RAB3GAP1: variants seen among roughly 807,000 people sequenced by gnomAD.
RAB3GAP1 encodes RAB3 GTPase activating protein catalytic subunit 1.
In RAB3GAP1, 86 loss-of-function variants were observed where a neutral mutation model predicts 130.7. The ratio of observed to expected loss-of-function variants is 0.66; its 90% CI spans 0.55 to 0.79. The LOEUF (loss-of-function observed/expected upper bound fraction) is 0.79, where lower values mean the gene tolerates loss of function less well. Ranked by LOEUF, RAB3GAP1 falls within the 30% of genes least tolerant of loss-of-function variation. The pLI, the probability that RAB3GAP1 is intolerant of heterozygous loss-of-function variation, is 0.00. For synonymous variants in RAB3GAP1, 367 were observed against 401.7 expected (o/e 0.91, Z 1.03); for missense variants, 1,029 against 1,169.4 (o/e 0.88, Z 1.75).
At chr2:135,121,874 C>T (rs189423594) in intron 8 of RAB3GAP1, among the ~76,000 whole-genome samples, 1 of 152,234 alleles carries the variant, frequency 6.6e-6, no homozygotes, top group Non-Finnish European at 1.5e-5. Flanking sequence ...AGGCAGATCA[C>T]CTGAGGTCGG....
intron 3 of RAB3GAP1, among the ~76,000 whole-genome samples, chr2:135,072,141 C>A (rs1040493426): frequency 1.3e-5 from 2 of 152,156 alleles, no homozygotes; most frequent in Non-Finnish European, 2.9e-5. Context: ...AAACTCCTGA[C>A]CTCAAGTGAT....
chr2:135,164,998 T>C (rs1380202496), intron 23 of RAB3GAP1: 2 of 390,418 alleles, frequency 5.1e-6, no homozygotes, highest in Non-Finnish European at 5.0e-6. Context: ...TGCTGTGCTG[T>C]GGGAAAAAAT....
intron 2 of RAB3GAP1, among the ~76,000 whole-genome samples, chr2:135,056,129 C>A (rs1689003442): frequency 6.6e-6 from 1 of 152,118 alleles, no homozygotes; most frequent in African/African-American, 2.4e-5. Flanking sequence ...AGCCACCACG[C>A]CCGGCCGACA....
chr2:135,123,718 T>C (rs1691267356), intron 8 of RAB3GAP1, among the ~76,000 whole-genome samples: 1 of 152,176 alleles, frequency 6.6e-6, no homozygotes, highest in Admixed American at 6.5e-5. Flanking sequence ...AACCAAAATA[T>C]AATGTTATTA....
At chr2:135,154,139 A>G (rs1166875234) in intron 19 of RAB3GAP1, among the ~76,000 whole-genome samples, 2 of 152,234 alleles carry the variant, frequency 1.3e-5, no homozygotes, top group Admixed American at 6.5e-5. Context: ...AAAAATGGGT[A>G]TGTCCTTTGA....
intron 5 of RAB3GAP1, among the ~76,000 whole-genome samples, chr2:135,095,865 A>G (rs561015357): frequency 1.3e-5 from 2 of 152,338 alleles, no homozygotes; most frequent in South Asian, 4.1e-4. Context: ...ACAAATCACA[A>G]GAAGAAGGGT....
intron 7 of RAB3GAP1, among the ~76,000 whole-genome samples, chr2:135,119,067 C>G (rs1284361335): frequency 6.8e-6 from 1 of 146,466 alleles, no homozygotes; most frequent in Non-Finnish European, 1.5e-5. Flanking sequence ...ATCCTTCCTT[C>G]CTTCCTCCCT....
At chr2:135,167,463 C>T (rs1692690124) in intron 23 of RAB3GAP1, among the ~76,000 whole-genome samples, 1 of 151,314 alleles carries the variant, frequency 6.6e-6, no homozygotes, top group Non-Finnish European at 1.5e-5. Flanking sequence ...CATCATATGT[C>T]ACCTGTTGAG....
At chr2:135,122,605 A>G (rs970020094) in intron 8 of RAB3GAP1, among the ~76,000 whole-genome samples, 1 of 152,206 alleles carries the variant, frequency 6.6e-6, no homozygotes, top group Non-Finnish European at 1.5e-5. Flanking sequence ...ATTTTCCTTT[A>G]TAAGGGGGAA....
intron 7 of RAB3GAP1, among the ~76,000 whole-genome samples, chr2:135,118,473 A>G (rs1367732531): frequency 1.3e-5 from 2 of 152,010 alleles, no homozygotes; most frequent in African/African-American, 2.4e-5. Flanking sequence ...TTTCTTTTTC[A>G]TCTTAGACAT....
At chr2:135,076,416 CATTTTT>C (rs201888998) in intron 3 of RAB3GAP1, among the ~76,000 whole-genome samples, 2,807 of 152,238 alleles carry the variant, frequency 0.018, 30 homozygotes, top group East Asian at 0.056. Flanking sequence ...AAAACTATCT[CATTTTT>C]ATTTATATTT....
At position 135,169,935 on chromosome 2, in the gene RAB3GAP1, T is replaced by A. The variant is rs999881397; in HGVS notation, c.*1154T>A. 2 of 309,252 alleles carry A rather than the reference T, an allele frequency of 6.5e-6. No homozygotes were observed. The highest frequency in any genetic ancestry group is 2.2e-5 in the African/African-American group (1 of 44,994). 19.2% of individuals were successfully genotyped at this position (309,252 alleles called of 1,614,324 possible). A position where few individuals can be genotyped will look rare whatever the true frequency, so the allele number is the denominator to read the frequency against. The stretch of plus-strand genomic sequence containing the variant: ...AGCATAAACCTTGCCTGTGTAATTT[T>A]AAAAAATTAATAGAGCTGTGCAAAC... On this transcript the variant is annotated 3_prime_UTR_variant, in exon 24 of 24. Coordinates refer to ENST00000264158, the MANE Select transcript of RAB3GAP1 (RefSeq NM_012233.3).
At chr2:135,109,085 G>A (rs1363461432) in intron 5 of RAB3GAP1, among the ~76,000 whole-genome samples, 1 of 152,012 alleles carries the variant, frequency 6.6e-6, no homozygotes, top group Admixed American at 6.6e-5. Flanking sequence ...TAGCTTTATA[G>A]TAGTGCTTGA....
intron 13 of RAB3GAP1, among the ~76,000 whole-genome samples, chr2:135,131,996 T>C (rs1410901792): frequency 6.6e-6 from 1 of 152,238 alleles, no homozygotes; most frequent in Non-Finnish European, 1.5e-5. Context: ...GCCAACTTTT[T>C]AGCTTGTACA....
Position 135,133,990 on chromosome 2 carries a change from C to G in RAB3GAP1, c.1456C>G (p.Leu486Val). The G allele has an allele frequency of 6.2e-7, 1 of 1,613,918 alleles. No individual in the cohort carries two copies. The highest frequency in any genetic ancestry group is 8.5e-7 in the Non-Finnish European group (1 of 1,179,838). Reference protein sequence around the residue: ...GVAHLWQEFVLEMRFRWENNF... With the variant: ...GVAHLWQEFVVEMRFRWENNF... The stretch of plus-strand genomic sequence containing the variant: ...GGCACACCTCTGGCAGGAATTTGTT[C>G]TTGAAATGCGTTTCCGATGGGAAAA... Residue 486 changes from leucine to valine, a missense_variant, in exon 15 of 24, where the codon CTT becomes GTT. By Grantham distance (32) the Leu-to-Val change is conservative. Coordinates refer to ENST00000264158, the MANE Select transcript of RAB3GAP1 (RefSeq NM_012233.3).
At chr2:135,166,406 T>C (rs933652316) in intron 23 of RAB3GAP1, among the ~76,000 whole-genome samples, 1 of 152,152 alleles carries the variant, frequency 6.6e-6, no homozygotes, top group Admixed American at 6.5e-5. Flanking sequence ...TGGAGTACAG[T>C]GGCAAGATCA....
At chr2:135,070,091 A>G (rs766187032) in intron 3 of RAB3GAP1, among the ~76,000 whole-genome samples, 3 of 152,230 alleles carry the variant, frequency 2.0e-5, no homozygotes, top group Non-Finnish European at 4.4e-5. Flanking sequence ...TCAACAATGT[A>G]TAGCCAATCA....
In RAB3GAP1 at chr2:135,067,384, TC is replaced by T. The variant is rs760866689; in HGVS notation, c.150+9300del. On this transcript the variant is annotated intron_variant, in intron 3 of 23. Transcript: ENST00000264158. ...GATAAGGTTTGTAGTTTGTTTTTTT[TC>T]CTCTTCATTTTTATTTTTCCTTTAA... 5.3e-5 allele frequency among the ~76,000 whole-genome samples: 8 copies of T among 152,354 alleles called. No homozygotes were observed. The East Asian group carries it at 1.2e-3, about 22-fold the overall frequency.
chr2:135,115,197 A>G lies in RAB3GAP1; in HGVS notation c.483-19A>G, dbSNP rs754444458. The stretch of plus-strand genomic sequence containing the variant: ...TTTAATGAGCTTGTATTCCATTCCT[A>G]TTTAATCATGTCTTGCAGTCAGGTG... On this transcript the variant is annotated intron_variant, in intron 6 of 23. Coordinates refer to ENST00000264158, the MANE Select transcript of RAB3GAP1 (RefSeq NM_012233.3). 8 of 1,596,570 alleles carry G rather than the reference A, an allele frequency of 5.0e-6. No individual in the cohort carries two copies. The highest frequency in any genetic ancestry group is 4.5e-5 in the East Asian group (2 of 44,740).
Sources: gnomAD v4.1 joint callset for allele counts (sites outside exome capture counted in the v4.1 genomes callset) on GRCh38, gnomAD v4.1.1 for gene constraint, MANE v1.5 for transcripts, NCBI Gene and HGNC (gene_info 2026-07-23, HGNC 2026-07-21) for gene names.